Variants in TOR1AIP1 observed in about 807,000 individuals in gnomAD.
TOR1AIP1 encodes torsin-1A-interacting protein 1.
In TOR1AIP1, 54 loss-of-function variants were observed where a neutral mutation model predicts 63.3. The ratio of observed to expected loss-of-function variants is 0.85; its 90% CI spans 0.69 to 1.07. TOR1AIP1 has a LOEUF of 1.07. TOR1AIP1 is among the 50% of genes least tolerant of loss of function. The pLI, the probability that TOR1AIP1 is intolerant of heterozygous loss-of-function variation, is 0.00. For missense variants in TOR1AIP1, 736 were observed against 715.0 expected (o/e 1.03, Z -0.33); for synonymous variants, 294 against 273.5 (o/e 1.07, Z -0.74).
At chr1:179,912,967 C>G (rs1339737670) in intron 8 of TOR1AIP1, among the ~76,000 whole-genome samples, 2 of 151,998 alleles carry the variant, frequency 1.3e-5, no homozygotes, top group Admixed American at 6.6e-5. Context: ...GACGGCAATA[C>G]TGGTAATATA....
At chr1:179,904,500 T>TA (rs1196607369) in intron 6 of TOR1AIP1, among the ~76,000 whole-genome samples, 1 of 152,210 alleles carries the variant, frequency 6.6e-6, no homozygotes, top group Non-Finnish European at 1.5e-5. Context: ...ATTTCAGTCT[T>TA]ACAACTGAAA....
intron 3 of TOR1AIP1, among the ~76,000 whole-genome samples, chr1:179,899,367 G>A (rs1423833738): frequency 1.3e-5 from 2 of 151,854 alleles, no homozygotes; most frequent in African/African-American, 2.4e-5. Context: ...TTTTGCACTG[G>A]AAAACAGTGA....
intron 3 of TOR1AIP1, among the ~76,000 whole-genome samples, chr1:179,893,734 GC>G (rs1439938171): frequency 6.6e-6 from 1 of 152,090 alleles, no homozygotes; most frequent in Non-Finnish European, 1.5e-5. Context: ...GAGCCACCAT[GC>G]CCAGCAGATA....
intron 7 of TOR1AIP1, 70 bp downstream of exon 7, chr1:179,907,934 T>TTTTTTA: frequency 1.8e-6 from 2 of 1,096,304 alleles, no homozygotes; most frequent in Non-Finnish European, 2.5e-6. Flanking sequence ...TTTTTTTTTT[T>TTTTTTA]GAGACGATGT....
chr1:179,884,613 T>TA (rs1647858479), intron 1 of TOR1AIP1, 79 bp from the exon 2 acceptor site: 1 of 1,246,536 alleles, frequency 8.0e-7, no homozygotes, highest in South Asian at 1.4e-5. Context: ...TATGTATTGT[T>TA]ACAAAAATGC....
intron 2 of TOR1AIP1, among the ~76,000 whole-genome samples, chr1:179,888,798 C>CTA (rs1647979731): frequency 6.6e-6 from 1 of 152,156 alleles, no homozygotes; most frequent in Admixed American, 6.5e-5. Context: ...TGCCATTGAA[C>CTA]TATAGATGGT....
At chr1:179,901,500 C>T (rs1032304373) in intron 5 of TOR1AIP1, 112 bp downstream of exon 5, 4 of 513,298 alleles carry the variant, frequency 7.8e-6, no homozygotes, top group African/African-American at 3.9e-5. Context: ...TATAAAAAGT[C>T]GTGAATTTTT....
At chr1:179,915,629 G>A (rs1336984055) in intron 9 of TOR1AIP1, among the ~76,000 whole-genome samples, 12 of 152,214 alleles carry the variant, frequency 7.9e-5, no homozygotes, top group African/African-American at 2.9e-4. Context: ...ATGGTGGCAC[G>A]CACCTGTAAT....
At chr1:179,903,238 T>G (rs1442698023) in intron 5 of TOR1AIP1, among the ~76,000 whole-genome samples, 2 of 151,324 alleles carry the variant, frequency 1.3e-5, no homozygotes, top group Non-Finnish European at 2.9e-5. Context: ...GCCTGGGCAG[T>G]AACGTGAGAC....
At position 179,908,623 on chromosome 1, in the gene TOR1AIP1, C is replaced by T. The variant is rs767019881; in HGVS notation, c.857C>T (p.Thr286Ile). The T allele has an allele frequency of 5.6e-6, 9 of 1,613,326 alleles. No individual in the cohort carries two copies. The African/African-American group carries it at 1.1e-4, about 19-fold the overall frequency. ...GCTTCAGGCTCAGGATATCAAAAAACTCCCCAGGAATGGGCCCCACAAACT... is the reference window on the plus strand; with the variant it reads ...GCTTCAGGCTCAGGATATCAAAAAATTCCCCAGGAATGGGCCCCACAAACT... ...PSVLSSGYQK[T>I]PQEWAPQTAR... The change falls in exon 8 of 10, where the codon ACT becomes ATT. Residue 286 changes from threonine (T) to isoleucine (I), a missense_variant. Transcript: ENST00000606911.
intron 3 of TOR1AIP1, among the ~76,000 whole-genome samples, chr1:179,898,561 TATTA>T (rs1648354010): frequency 6.6e-6 from 1 of 151,994 alleles, no homozygotes; most frequent in Non-Finnish European, 1.5e-5. Context: ...GGAATGGAAA[TATTA>T]ATTAAAAATT....
At position 179,882,952 on chromosome 1, in the gene TOR1AIP1, G is replaced by A; in HGVS notation, c.450G>A (p.Gly150=). ...LQPSPVMTRR[G]LRDSHSSEED... ...CGTCTCCTGTTATGACCAGGAGAGG[G>A]CTGCGGGACTCTCATTCCTCTGAAG... Residue 150 remains glycine (G), a synonymous_variant, in exon 1 of 10, where the codon GGG becomes GGA. Transcript: ENST00000606911. 1 of 1,613,306 alleles carries A rather than the reference G, an allele frequency of 6.2e-7. No homozygotes were observed. Among genetic ancestry groups the A allele is most frequent in the Non-Finnish European group, 8.5e-7 (1 of 1,179,798 alleles).
At position 179,896,337 on chromosome 1, in the gene TOR1AIP1, G is replaced by C. The variant is rs576157409; in HGVS notation, c.611-3789G>C. Among the ~76,000 whole-genome samples, 3 of 152,060 alleles carry C rather than the reference G, an allele frequency of 2.0e-5. No individual in the cohort carries two copies. The East Asian group carries it at 5.8e-4, about 29-fold the overall frequency. ...CTGTCACCCAGGCTGGAGTGCAGGA[G>C]CGTGATCTCGGCTCACTGCAACCTC... On this transcript the variant is annotated intron_variant, in intron 3 of 9. Coordinates refer to ENST00000606911, the MANE Select transcript of TOR1AIP1 (RefSeq NM_015602.4).
At chr1:179,893,442 T>C (rs6695242) in intron 3 of TOR1AIP1, among the ~76,000 whole-genome samples, 19 of 151,966 alleles carry the variant, frequency 1.3e-4, no homozygotes, top group Admixed American at 1.2e-3. Flanking sequence ...CATCAAATAG[T>C]CTTTTTTTTC....
rs2148484719 is a variant in TOR1AIP1, at chr1:179,918,920, TCTC to T, written c.*684_*686del. The T allele has an allele frequency of 6.6e-6, 1 of 152,330 alleles. No homozygotes were observed. Among genetic ancestry groups the T allele is most frequent in the African/African-American group, 2.4e-5 (1 of 41,576 alleles). The allele number at this position is 152,330 out of a possible 1,614,324, so 9.4% of individuals were successfully genotyped here. ...ATTCCGTTGGGATTTGTTTTTTACA[TCTC>T]CTTTTTCCTTCCTTGAAGAAAAATT... On this transcript the variant is annotated 3_prime_UTR_variant, in exon 10 of 10. Transcript: ENST00000606911.
chr1:179,895,812 A>G (rs1473767904), intron 3 of TOR1AIP1, among the ~76,000 whole-genome samples: 1 of 151,746 alleles, frequency 6.6e-6, no homozygotes, highest in East Asian at 1.9e-4. Context: ...AGGCAGGAGA[A>G]TCACTTGAAC....
Position 179,882,506 on chromosome 1 carries a change from GC to G in TOR1AIP1, c.5del (p.Ala2GlyfsTer56). On this transcript the variant is annotated frameshift_variant, in exon 1 of 10. Coordinates refer to ENST00000606911, the MANE Select transcript of TOR1AIP1 (RefSeq NM_015602.4). LOFTEE classifies it high-confidence loss of function. ...GACTAAAGCTACGTCAACAACTATG[GC>G]GGGCGACGGGCGGCGGGCAGAGGCG... M[A>X]GDGRRAEAVR... 6.9e-7 allele frequency: 1 copy of G among 1,455,930 alleles called. No individual in the cohort carries two copies. The highest frequency in any genetic ancestry group is 9.1e-7 in the Non-Finnish European group (1 of 1,104,016). The allele number at this position is 1,455,930 out of a possible 1,614,324, so 90.2% of individuals were successfully genotyped here. A position where few individuals can be genotyped will look rare whatever the true frequency, so the allele number is the denominator to read the frequency against.
chr1:179,911,472 T>G (rs1648830364), intron 8 of TOR1AIP1, among the ~76,000 whole-genome samples: 1 of 152,264 alleles, frequency 6.6e-6, no homozygotes, highest in Non-Finnish European at 1.5e-5. Flanking sequence ...TTCAGGCTTC[T>G]GCCTGCATCC....
rs76860548 is a variant in TOR1AIP1, at chr1:179,883,025, C to T, written c.475+48C>T. The T allele has an allele frequency of 0.12, 181,472 of 1,547,434 alleles. 11,504 individuals carry two copies. The highest frequency in any genetic ancestry group is 0.22 in the African/African-American group (16,412 of 73,196). ...TCCCAGCCGCGAGCCAGGGAACGCG[C>T]GGGGGCGGGCGCGCGCCTCGGTGGA... is the stretch of plus-strand genomic sequence containing the variant. On this transcript the variant is annotated intron_variant, in intron 1 of 9. Transcript: ENST00000606911.
Sources: gnomAD v4.1 joint callset for allele counts (sites outside exome capture counted in the v4.1 genomes callset) on GRCh38, gnomAD v4.1.1 for gene constraint, MANE v1.5 for transcripts, NCBI Gene and HGNC (gene_info 2026-07-23, HGNC 2026-07-21) for gene names.